Variants in CDKL4 observed in about 807,000 individuals in gnomAD.
CDKL4 encodes the protein cyclin-dependent kinase-like 4.
CDKL4 carries 44 observed loss-of-function variants against 42.0 expected under a neutral mutation model. That is an observed-to-expected ratio of 1.05 (90% CI 0.82 to 1.35). The LOEUF (loss-of-function observed/expected upper bound fraction) is 1.35, where lower values mean the gene tolerates loss of function less well. Among genes scored for constraint, CDKL4 ranks in the 40% most tolerant of loss-of-function variants. The pLI is 0.00. For missense variants in CDKL4, 393 were observed against 369.9 expected (o/e 1.06, Z -0.51); for synonymous variants, 120 against 121.6 (o/e 0.99, Z 0.09).
At chr2:39,234,168 C>T (rs149898993) in intron 1 of CDKL4, among the ~76,000 whole-genome samples, 2,480 of 152,170 alleles carry the variant, frequency 0.016, 30 homozygotes, top group Non-Finnish European at 0.022. Flanking sequence ...CTGCCTTGGC[C>T]TCCCAAAGTG....
chr2:39,244,023 A>G (rs1679799258), upstream of CDKL4, among the ~76,000 whole-genome samples: 1 of 152,190 alleles, frequency 6.6e-6, no homozygotes. Flanking sequence ...CCGGAACGCT[A>G]GGGCGCGCGG....
At chr2:39,244,368 A>G (rs1197909278), upstream of CDKL4, among the ~76,000 whole-genome samples, 3 of 152,168 alleles carry the variant, frequency 2.0e-5, no homozygotes, top group African/African-American at 7.2e-5. Context: ...CCGCACTCTG[A>G]GCAGCCCGCC....
At chr2:39,187,495 T>C (rs538798351) in intron 7 of CDKL4, 132 bp downstream of exon 7, 1 of 605,160 alleles carries the variant, frequency 1.7e-6, no homozygotes, top group Admixed American at 3.4e-5. Context: ...CAGTGAGCCA[T>C]GACCTTGCCA....
At chr2:39,244,051 A>AGCGGGTTCCCCT (rs1679801185), upstream of CDKL4, among the ~76,000 whole-genome samples, 5 of 152,156 alleles carry the variant, frequency 3.3e-5, no homozygotes, top group African/African-American at 9.7e-5. Context: ...CGGCTTCCGG[A>AGCGGGTTCCCCT]GCGGGTTCCC....
chr2:39,244,153 G>A (rs935462434), upstream of CDKL4, among the ~76,000 whole-genome samples: 1 of 152,250 alleles, frequency 6.6e-6, no homozygotes, highest in Non-Finnish European at 1.5e-5. Context: ...CGCCTCCTAT[G>A]CCTGGGCTCC....
At chr2:39,206,372 G>A (rs1677188749) in intron 4 of CDKL4, among the ~76,000 whole-genome samples, 1 of 152,128 alleles carries the variant, frequency 6.6e-6, no homozygotes, top group Non-Finnish European at 1.5e-5. Context: ...GTGAGCCACC[G>A]CGCCTGGACC....
downstream of CDKL4, among the ~76,000 whole-genome samples, chr2:39,171,048 G>A (rs549969993): frequency 2.8e-4 from 42 of 152,018 alleles, no homozygotes; most frequent in East Asian, 7.8e-3. Flanking sequence ...AGACCAGCCT[G>A]GCCAACAGGA....
At chr2:39,179,221 G>C in exon 9 of CDKL4, 1 of 1,613,162 alleles carries the variant, frequency 6.2e-7, no homozygotes, top group East Asian at 2.2e-5. Context: ...TTCATTACGT[G>C]CTTTTCTTTT....
chr2:39,208,383 C>T (rs575657820), intron 4 of CDKL4, among the ~76,000 whole-genome samples: 26 of 149,982 alleles, frequency 1.7e-4, no homozygotes, highest in African/African-American at 5.6e-4. Context: ...CTTTGTTGCT[C>T]AGGCTGGAGT....
chr2:39,201,846 C>T (rs866131573), intron 5 of CDKL4, among the ~76,000 whole-genome samples: 18 of 152,044 alleles, frequency 1.2e-4, no homozygotes, highest in Non-Finnish European at 2.1e-4. Flanking sequence ...AAGGGTCGGG[C>T]GGCGGGTGAG....
At chr2:39,182,937 C>T (rs1675522863) in intron 8 of CDKL4, among the ~76,000 whole-genome samples, 1 of 152,176 alleles carries the variant, frequency 6.6e-6, no homozygotes, top group Admixed American at 6.5e-5. Flanking sequence ...GGTTATGATT[C>T]GGTCCCATGG....
At position 39,185,180 on chromosome 2, in the gene CDKL4, A is replaced by ATG. The variant is rs1356087388; in HGVS notation, c.736-535_736-534dup. On this transcript the variant is annotated intron_variant, in intron 7 of 9. Transcript: ENST00000451199. ...TATACACATATGTATATATATACATATGTGTATATACATATATATACACAT... is the reference window on the plus strand; with the variant it reads ...TATACACATATGTATATATATACATATGTGTGTATATACATATATATACACAT... Among the ~76,000 whole-genome samples, 107 of 121,914 alleles carry ATG rather than the reference A, an allele frequency of 8.8e-4. 6 individuals are homozygous for ATG. Among genetic ancestry groups the ATG allele is most frequent in the Non-Finnish European group, 1.4e-3 (85 of 59,208 alleles). 80.0% of individuals were successfully genotyped at this position (121,914 alleles called of 152,430 possible).
chr2:39,210,558 C>G (rs186814284), intron 4 of CDKL4, among the ~76,000 whole-genome samples: 2 of 152,018 alleles, frequency 1.3e-5, no homozygotes, highest in Admixed American at 6.6e-5. Flanking sequence ...ATAAAAATAT[C>G]CAATTTAGGT....
rs550377929 is a variant in CDKL4, at chr2:39,213,318, T to A, written c.363+82A>T. 6 of 926,468 alleles carry A rather than the reference T, an allele frequency of 6.5e-6. No individual in the cohort carries two copies. The South Asian group carries it at 9.1e-5, about 14-fold the overall frequency. 57.4% of individuals were successfully genotyped at this position (926,468 alleles called of 1,614,324 possible). ...CTCTTACTTTCCCTTTGTCTTCAGC[T>A]CTCCAAACAAAACCCTGAGCTATTT... On this transcript the variant is annotated intron_variant, in intron 4 of 9. Transcript: ENST00000451199.
intron 3 of CDKL4, among the ~76,000 whole-genome samples, chr2:39,217,688 C>A (rs115835402): frequency 6.6e-6 from 1 of 151,614 alleles, no homozygotes; most frequent in Non-Finnish European, 1.5e-5. Context: ...TCTGAACATG[C>A]CAGGCTTATT....
chr2:39,188,376 C>A (rs1675956395), intron 6 of CDKL4, among the ~76,000 whole-genome samples: 1 of 151,782 alleles, frequency 6.6e-6, no homozygotes, highest in Non-Finnish European at 1.5e-5. Context: ...TCCTGGCCAA[C>A]ATGGTGAAAC....
intron 4 of CDKL4, among the ~76,000 whole-genome samples, chr2:39,211,782 G>A (rs1361659677): frequency 6.6e-6 from 1 of 151,574 alleles, no homozygotes; most frequent in Non-Finnish European, 1.5e-5. Flanking sequence ...TGATAATGGA[G>A]GGGACCAAAC....
At chr2:39,233,854 C>G (rs185139997) in intron 1 of CDKL4, among the ~76,000 whole-genome samples, 4 of 148,128 alleles carry the variant, frequency 2.7e-5, no homozygotes, top group African/African-American at 9.9e-5. Context: ...ATTCAAATCA[C>G]AAGTGGACAA....
the CDKL4 span, among the ~76,000 whole-genome samples, chr2:39,169,034 C>T: frequency 5.3e-5 from 8 of 152,044 alleles, no homozygotes; most frequent in African/African-American, 1.9e-4. Flanking sequence ...AGATTACAGG[C>T]GTGAGCCACT....
Sources: gnomAD v4.1 joint callset for allele counts (sites outside exome capture counted in the v4.1 genomes callset) on GRCh38, gnomAD v4.1.1 for gene constraint, MANE v1.5 for transcripts, NCBI Gene and HGNC (gene_info 2026-07-23, HGNC 2026-07-21) for gene names.